Variants in RMND5B observed in about 807,000 individuals in gnomAD.
The protein encoded by RMND5B is E3 ubiquitin-protein transferase RMND5B.
Under a neutral mutation model 50.4 loss-of-function variants are expected in RMND5B, and 42 were observed. The observed-to-expected ratio is 0.83, with a 90% CI of 0.65 to 1.08. RMND5B has a LOEUF of 1.08. Ranked by LOEUF, RMND5B falls within the 50% of genes least tolerant of loss-of-function variation. The probability of loss-of-function intolerance (pLI) is 0.00; values close to 1 mark genes in which losing one functional copy is unlikely to be tolerated. For synonymous variants in RMND5B, 220 were observed against 210.0 expected, an observed-to-expected ratio of 1.05 and a Z score of -0.41; for missense variants, 463 against 508.5, an observed-to-expected ratio of 0.91 and a Z score of 0.86.
chr5:178,143,596 G>T (rs77680156), intron 5 of RMND5B, 31 bp from the exon 6 acceptor site: 2 of 1,505,208 alleles, frequency 1.3e-6, no homozygotes, highest in African/African-American at 2.7e-5. Flanking sequence ...CCATCTTCCA[G>T]TGGTGGGATC....
intron 5 of RMND5B, among the ~76,000 whole-genome samples, 171 bp from the exon 6 acceptor site, chr5:178,143,456 G>A (rs1755798745): frequency 1.3e-5 from 2 of 152,194 alleles, no homozygotes; most frequent in Non-Finnish European, 2.9e-5. Context: ...GCCTCCCCAG[G>A]ACTGAGATGG....
chr5:178,145,747 G>A (rs1296247034), intron 7 of RMND5B, among the ~76,000 whole-genome samples: 1 of 152,172 alleles, frequency 6.6e-6, no homozygotes, highest in African/African-American at 2.4e-5. Context: ...GCTGCCTGTT[G>A]AAAGCTCTTA....
rs1275637896 is a variant in RMND5B at position 178,149,879 on chromosome 5, C to T, written c.*1847C>T. 1.5e-5 allele frequency: 24 copies of T among 1,608,892 alleles called. No individual in the cohort carries two copies. Among genetic ancestry groups the T allele is most frequent in the Non-Finnish European group, 2.0e-5 (23 of 1,176,910 alleles). On this transcript the variant is annotated 3_prime_UTR_variant, in exon 11 of 11. Transcript: ENST00000313386. Reference sequence around the variant, plus strand: ...AAGTGCTGTTTGGAAAAAAGCTGTACAACCTGTATGCCAGGAAGTCACCAA... The same window carrying T: ...AAGTGCTGTTTGGAAAAAAGCTGTATAACCTGTATGCCAGGAAGTCACCAA...
At chr5:178,143,066 C>T (rs1755775227) in intron 5 of RMND5B, 74 bp downstream of exon 5, 1 of 1,483,282 alleles carries the variant, frequency 6.7e-7, no homozygotes, top group Non-Finnish European at 9.1e-7. Flanking sequence ...TGTATGAAGT[C>T]CCTACCATTC....
At position 178,145,839 on chromosome 5, in the gene RMND5B, G is replaced by A. The variant is rs545288894; in HGVS notation, c.695-275G>A. 6 of 386,268 alleles carry A rather than the reference G, an allele frequency of 1.6e-5. No individual in the cohort carries two copies. The South Asian group carries it at 2.6e-4, about 17-fold the overall frequency. The allele number at this position is 386,268 out of a possible 1,614,324, so 23.9% of individuals were successfully genotyped here. A position where few individuals can be genotyped will look rare whatever the true frequency, so the allele number is the denominator to read the frequency against. On this transcript the variant is annotated intron_variant, in intron 7 of 10. Coordinates refer to ENST00000313386, the MANE Select transcript of RMND5B (RefSeq NM_022762.5). ...CTTATTTGATCCTTGATGCAGTGGGGGAGGAAAGAGAACTGGAAAAGAACT... is the reference window on the plus strand; with the variant it reads ...CTTATTTGATCCTTGATGCAGTGGGAGAGGAAAGAGAACTGGAAAAGAACT...
At chr5:178,135,257 G>T in intron 2 of RMND5B, 1 of 238,242 alleles carries the variant, frequency 4.2e-6, no homozygotes, top group Non-Finnish European at 9.1e-6. Flanking sequence ...GCAGTCCTCC[G>T]TCCCACCTCA....
At chr5:178,143,036 T>A (rs1755769522) in intron 5 of RMND5B, 44 bp downstream of exon 5, 1 of 1,576,688 alleles carries the variant, frequency 6.3e-7, no homozygotes, top group African/African-American at 1.3e-5. Context: ...CTGCTCTGCC[T>A]TTCACCTGCT....
At chr5:178,134,819 G>A (rs1172468296) in intron 2 of RMND5B, among the ~76,000 whole-genome samples, 2 of 141,838 alleles carry the variant, frequency 1.4e-5, no homozygotes, top group Non-Finnish European at 1.5e-5. Context: ...ATACAAAAAT[G>A]AAAAAAAAAA....
At chr5:178,142,300 A>T in intron 3 of RMND5B, 1 of 403,908 alleles carries the variant, frequency 2.5e-6, no homozygotes, top group Non-Finnish European at 4.5e-6. Context: ...TAAACACTTG[A>T]CCCATAGTAA....
At chr5:178,143,862 T>C in intron 6 of RMND5B, 80 bp from the exon 7 acceptor site, 5 of 1,551,166 alleles carry the variant, frequency 3.2e-6, no homozygotes, top group Non-Finnish European at 4.4e-6. Flanking sequence ...ACACAGGCTT[T>C]TGGGGCCCTC....
chr5:178,133,377 ATG>A (rs1164530021), intron 2 of RMND5B: 1 of 152,086 alleles, frequency 6.6e-6, no homozygotes, highest in Non-Finnish European at 1.5e-5. Flanking sequence ...TAGGAAATGG[ATG>A]TGTCATTTAA....
In RMND5B at chr5:178,148,809, T is replaced by G. The variant is rs536702951; in HGVS notation, c.*777T>G. The G allele has an allele frequency of 6.6e-6, 1 of 152,300 alleles. No homozygotes were observed. Among genetic ancestry groups the G allele is most frequent in the African/African-American group, 2.4e-5 (1 of 41,458 alleles). 9.4% of individuals were successfully genotyped at this position (152,300 alleles called of 1,614,324 possible). A position where few individuals can be genotyped will look rare whatever the true frequency, so the allele number is the denominator to read the frequency against. ...ACTAACTCCATAGGAGAAATCCGTG[T>G]AATGGGATTCAGGAAAATGAAGTAA... is the stretch of plus-strand genomic sequence containing the variant. On this transcript the variant is annotated 3_prime_UTR_variant, in exon 11 of 11. Coordinates refer to ENST00000313386, the MANE Select transcript of RMND5B (RefSeq NM_022762.5).
chr5:178,145,836 G>C (rs1202782676), intron 7 of RMND5B: 4 of 380,682 alleles, frequency 1.1e-5, no homozygotes, highest in Non-Finnish European at 1.9e-5. Context: ...TTGATGCAGT[G>C]GGGGAGGAAA....
At chr5:178,135,004 A>C (rs1758542074) in intron 2 of RMND5B, among the ~76,000 whole-genome samples, 1 of 151,872 alleles carries the variant, frequency 6.6e-6, no homozygotes, top group Non-Finnish European at 1.5e-5. Flanking sequence ...TACTGAGTTA[A>C]TCACACTCCT....
chr5:178,142,902 G>C lies in RMND5B; in HGVS notation c.336G>C (p.Ala112=). 1.2e-6 allele frequency: 2 copies of C among 1,614,230 alleles called. No individual in the cohort carries two copies. Among genetic ancestry groups the C allele is most frequent in the South Asian group, 1.1e-5 (1 of 91,084 alleles). Reference sequence around the variant, plus strand: ...TTGTGTCAGATGCGGTGTGGGACGCGCGGGAACAGCAGCAGCAGATCCTGC... The same window carrying C: ...TTGTGTCAGATGCGGTGTGGGACGCCCGGGAACAGCAGCAGCAGATCCTGC... ...CGVVSDAVWD[A]REQQQQILQM... is the part of the protein sequence containing the mutation. Residue 112 remains alanine, a synonymous_variant, in exon 5 of 11, where the codon GCG becomes GCC. Coordinates refer to ENST00000313386, the MANE Select transcript of RMND5B (RefSeq NM_022762.5).
Position 178,131,217 on chromosome 5 carries a change from T to A in RMND5B, c.-152-20T>A, listed in dbSNP as rs1758275965. 1 of 151,988 alleles carries A rather than the reference T, an allele frequency of 6.6e-6. No individual in the cohort carries two copies. Among genetic ancestry groups the A allele is most frequent in the Non-Finnish European group, 1.5e-5 (1 of 68,002 alleles). The allele number at this position is 151,988 out of a possible 1,614,324, so 9.4% of individuals were successfully genotyped here. ...GACTAAGCCCCGAACAATCTGCCCT[T>A]GGGCTTGTTCTCTTCGCAGTTGTCG... On this transcript the variant is annotated intron_variant, in intron 1 of 10. Coordinates refer to ENST00000313386, the MANE Select transcript of RMND5B (RefSeq NM_022762.5).
intron 2 of RMND5B, among the ~76,000 whole-genome samples, chr5:178,132,211 C>G (rs1212563344): frequency 2.0e-5 from 3 of 151,978 alleles, no homozygotes; most frequent in Non-Finnish European, 4.4e-5. Context: ...GAGGCCAAGG[C>G]GGGAGGATCA....
chr5:178,149,547 A>C lies in RMND5B; in HGVS notation c.*1515A>C. On this transcript the variant is annotated 3_prime_UTR_variant, in exon 11 of 11. Transcript: ENST00000313386. ...AGGAAATGGCACTGATGGACAGAAG[A>C]CTAGCATTACCTTCATGAAAGGGCT... is the stretch of plus-strand genomic sequence containing the variant. 2 of 736,740 alleles carry C rather than the reference A, an allele frequency of 2.7e-6. No individual in the cohort carries two copies. Among genetic ancestry groups the C allele is most frequent in the Non-Finnish European group, 4.5e-6 (2 of 444,076 alleles). The allele number at this position is 736,740 out of a possible 1,614,324, so 45.6% of individuals were successfully genotyped here. A position where few individuals can be genotyped will look rare whatever the true frequency, so the allele number is the denominator to read the frequency against.
rs1758676994 is a variant in RMND5B, at chr5:178,137,456, G to A, written c.-12-652G>A. The stretch of plus-strand genomic sequence containing the variant: ...TAATCCCAGCACTTTGAGAGGCCAA[G>A]GTGGAAAGATCGTTTGAGCCCAGGA... On this transcript the variant is annotated intron_variant, in intron 2 of 10. Transcript: ENST00000313386. The surrounding 1 kb of genome is among the most constrained non-coding windows in gnomAD (Gnocchi z 4.4). 6.6e-6 allele frequency among the ~76,000 whole-genome samples: 1 copy of A among 152,190 alleles called. No individual in the cohort carries two copies. The highest frequency in any genetic ancestry group is 1.5e-5 in the Non-Finnish European group (1 of 68,038).
Sources: allele counts gnomAD v4.1 joint callset (sites outside exome capture counted in the v4.1 genomes callset), GRCh38; gene constraint gnomAD v4.1.1; non-coding constraint Gnocchi (gnomAD v3.1); transcripts MANE v1.5; gene names NCBI Gene and HGNC (gene_info 2026-07-23, HGNC 2026-07-21).